The following HECW1 variants were observed in gnomAD, a reference collection of about 807,000 sequenced individuals.
HECW1 encodes the protein HECT, C2 and WW domain containing E3 ubiquitin protein ligase 1.
HECW1 carries 61 observed loss-of-function variants against 182.3 expected under a neutral mutation model. The ratio of observed to expected loss-of-function variants is 0.33; its 90% confidence interval spans 0.27 to 0.41. HECW1 has a LOEUF of 0.41. Ranked by LOEUF, HECW1 falls within the 10% of genes least tolerant of loss-of-function variation. HECW1 has a pLI of 1.00. For missense variants in HECW1, 1,739 were observed against 2,108.9 expected (o/e 0.82, Z 3.44); for synonymous variants, 859 against 832.6 (o/e 1.03, Z -0.55).
chr7:43,432,124 G>A lies in HECW1; in HGVS notation c.802-5879G>A, dbSNP rs954183914. Among the ~76,000 whole-genome samples the A allele has an allele frequency of 1.1e-4, 17 of 149,832 alleles. No individual in the cohort carries two copies. Among genetic ancestry groups the A allele is most frequent in the African/African-American group, 3.2e-4 (13 of 40,228 alleles). On this transcript the variant is annotated intron_variant, in intron 8 of 29. Transcript: ENST00000395891. This position sits in a 1 kb window ranked among gnomAD's most constrained non-coding sequence, Gnocchi z 4.1. The stretch of plus-strand genomic sequence containing the variant: ...ATTACAGGCATGAGCCACTGCACCC[G>A]GCCAGTTGTTTATTTTATTTCTTTT...
chr7:43,135,083 G>T (rs1787381353), intron 2 of HECW1, among the ~76,000 whole-genome samples: 1 of 152,052 alleles, frequency 6.6e-6, no homozygotes, highest in South Asian at 2.1e-4. Flanking sequence ...TTATCTCGGG[G>T]ATGTTGTTAT....
At chr7:43,251,938 C>T (rs534005396) in intron 3 of HECW1, among the ~76,000 whole-genome samples, 1 of 152,310 alleles carries the variant, frequency 6.6e-6, no homozygotes, top group Non-Finnish European at 1.5e-5. Context: ...TTCATCCAAG[C>T]TGGACCCAGT....
rs541239151 is a variant in HECW1, at chr7:43,535,875, T to TA, written c.4020-5282dup. ...ATATCACTTGTATTTTACTTTACAC[T>TA]AAAAAATACCAATTCTGTTATTTTT... On this transcript the variant is annotated intron_variant, in intron 24 of 29. Coordinates refer to ENST00000395891, the MANE Select transcript of HECW1 (RefSeq NM_015052.5). Among the ~76,000 whole-genome samples the TA allele has an allele frequency of 2.8e-3, 420 of 152,292 alleles. 2 individuals carry two copies. The highest frequency in any genetic ancestry group is 9.4e-3 in the African/African-American group (392 of 41,550).
chr7:43,461,956 T>C (rs1487920228), intron 13 of HECW1, among the ~76,000 whole-genome samples: 1 of 152,224 alleles, frequency 6.6e-6, no homozygotes, highest in East Asian at 1.9e-4. Context: ...ATGCAGATTT[T>C]TCTTTTGCTT....
chr7:43,274,644 G>GGA (rs142241026), intron 3 of HECW1: 989 of 310,692 alleles, frequency 3.2e-3, no homozygotes, highest in South Asian at 5.3e-3. Context: ...GGGGAGGGAG[G>GGA]GAGAGAGAGA....
intron 21 of HECW1, among the ~76,000 whole-genome samples, chr7:43,501,838 A>T (rs1328937436): frequency 2.0e-5 from 3 of 152,160 alleles, no homozygotes; most frequent in Admixed American, 6.5e-5. Flanking sequence ...CTAAAAAAAA[A>T]TAAAAAAGAA....
At chr7:43,314,426 G>T (rs1456173720) in intron 4 of HECW1, among the ~76,000 whole-genome samples, 1 of 152,098 alleles carries the variant, frequency 6.6e-6, no homozygotes, top group African/African-American at 2.4e-5. Context: ...AGTGAGAGGG[G>T]GCAGGGGAGA....
At chr7:43,520,388 G>A (rs1365951669) in intron 24 of HECW1, among the ~76,000 whole-genome samples, 3 of 152,124 alleles carry the variant, frequency 2.0e-5, no homozygotes, top group African/African-American at 7.2e-5. Flanking sequence ...CCTGCCTTGA[G>A]ACACCATCTG....
At chr7:43,542,288 AAT>A (rs1163038390) in intron 26 of HECW1, among the ~76,000 whole-genome samples, 2 of 152,124 alleles carry the variant, frequency 1.3e-5, no homozygotes, top group Non-Finnish European at 2.9e-5. Context: ...GGAATTATAC[AAT>A]ATTTGTTTTT....
Position 43,564,837 on chromosome 7 carries a change from T to C in HECW1, c.*2911T>C, listed in dbSNP as rs2082292995. ...AGGTGGAGGTATAAACCACCTTAAATTATATAGTTCGGCAGAAAGACAGAT... is the reference window on the plus strand; with the variant it reads ...AGGTGGAGGTATAAACCACCTTAAACTATATAGTTCGGCAGAAAGACAGAT... On this transcript the variant is annotated 3_prime_UTR_variant, in exon 30 of 30. Transcript: ENST00000395891. 1 of 183,424 alleles carries C rather than the reference T, an allele frequency of 5.5e-6. No individual in the cohort carries two copies. Among genetic ancestry groups the C allele is most frequent in the Non-Finnish European group, 1.2e-5 (1 of 86,140 alleles). The allele number at this position is 183,424 out of a possible 1,614,324, so 11.4% of individuals were successfully genotyped here. A position where few individuals can be genotyped will look rare whatever the true frequency, so the allele number is the denominator to read the frequency against.
chr7:43,396,907 G>A lies in HECW1; in HGVS notation c.631+18G>A, dbSNP rs1294392196. 3 of 1,582,530 alleles carry A rather than the reference G, an allele frequency of 1.9e-6. No individual in the cohort carries two copies. The highest frequency in any genetic ancestry group is 2.6e-6 in the Non-Finnish European group (3 of 1,152,576). ...TCTCTCAGGTATGTTTTGCTCACCT[G>A]AGACTTTGTGGAGAGACTAAGAATG... On this transcript the variant is annotated intron_variant, in intron 7 of 29. Transcript: ENST00000395891.
At chr7:43,380,387 A>T (rs1007343286) in intron 6 of HECW1, among the ~76,000 whole-genome samples, 1 of 151,950 alleles carries the variant, frequency 6.6e-6, no homozygotes, top group African/African-American at 2.4e-5. Flanking sequence ...TTTGCTCAAC[A>T]TTACTTTTGT....
At chr7:43,305,055 TA>T (rs1331873266) in intron 3 of HECW1, among the ~76,000 whole-genome samples, 2 of 152,084 alleles carry the variant, frequency 1.3e-5, no homozygotes, top group Non-Finnish European at 2.9e-5. Flanking sequence ...AGCTTTGGGG[TA>T]AAGCTTCCCC....
chr7:43,561,927 G>A lies in HECW1; in HGVS notation c.*1G>A. 4 of 1,576,218 alleles carry A rather than the reference G, an allele frequency of 2.5e-6. No homozygotes were observed. Among genetic ancestry groups the A allele is most frequent in the Non-Finnish European group, 3.5e-6 (4 of 1,145,462 alleles). ...AACCAGCACCTTTGGACTTGAGTGA[G>A]GACATGGAACCTCGCCTGACATTTT... On this transcript the variant is annotated 3_prime_UTR_variant, in exon 30 of 30. Transcript: ENST00000395891.
chr7:43,170,300 G>A (rs947500386), intron 2 of HECW1, among the ~76,000 whole-genome samples: 189 of 152,074 alleles, frequency 1.2e-3, no homozygotes, highest in African/African-American at 4.2e-3. Context: ...TGTAATAATA[G>A]TAGAAATAAA....
In HECW1 at chr7:43,370,839, G is replaced by A. The variant is rs538092086; in HGVS notation, c.555+9859G>A. Among the ~76,000 whole-genome samples, 5 of 152,120 alleles carry A rather than the reference G, an allele frequency of 3.3e-5. No individual in the cohort carries two copies. In the East Asian group the frequency reaches 9.6e-4, roughly 29 times the overall value. ...GATCAGTGGTTGTGAAGATTTAGCGGGGAAGGATGAATAGGAGGATCACAG... is the reference window on the plus strand; with the variant it reads ...GATCAGTGGTTGTGAAGATTTAGCGAGGAAGGATGAATAGGAGGATCACAG... On this transcript the variant is annotated intron_variant, in intron 6 of 29. Transcript: ENST00000395891.
At chr7:43,173,037 G>A (rs952191518) in intron 2 of HECW1, among the ~76,000 whole-genome samples, 8 of 152,252 alleles carry the variant, frequency 5.3e-5, no homozygotes, top group African/African-American at 9.6e-5. Context: ...AAGCCTCCGC[G>A]TTCAGACACC....
At chr7:43,424,196 G>A (rs776265721) in intron 8 of HECW1, among the ~76,000 whole-genome samples, 2 of 152,092 alleles carry the variant, frequency 1.3e-5, no homozygotes, top group Non-Finnish European at 1.5e-5. Flanking sequence ...TCTCCATCAG[G>A]CTTGTCTTGC....
intron 5 of HECW1, among the ~76,000 whole-genome samples, chr7:43,328,891 C>T (rs55897278): frequency 0.2 from 30,991 of 152,090 alleles, 4,054 homozygotes; most frequent in Non-Finnish European, 0.3. Context: ...GTTGCCAAGT[C>T]GGTGTGAGAA....
Sources: allele counts gnomAD v4.1 joint callset (sites outside exome capture counted in the v4.1 genomes callset), GRCh38; gene constraint gnomAD v4.1.1; non-coding constraint Gnocchi (gnomAD v3.1); transcripts MANE v1.5; gene names NCBI Gene and HGNC (gene_info 2026-07-23, HGNC 2026-07-21).